The following SEC14L3 variants were observed in gnomAD, a reference collection of about 807,000 sequenced individuals.
SEC14L3 encodes the protein SEC14-like protein 3.
In SEC14L3, 56 loss-of-function variants were observed where a neutral mutation model predicts 57.4. That is an observed-to-expected ratio of 0.97 (90% CI 0.79 to 1.22). SEC14L3 has a LOEUF of 1.22. Ranked by LOEUF, SEC14L3 falls within the 50% of genes most tolerant of loss-of-function variation. The probability of loss-of-function intolerance (pLI) is 0.00; values close to 1 mark genes in which losing one functional copy is unlikely to be tolerated. For missense variants in SEC14L3, 485 were observed against 511.7 expected, an observed-to-expected ratio of 0.95 and a Z score of 0.50; for synonymous variants, 173 against 194.4, an observed-to-expected ratio of 0.89 and a Z score of 0.92.
At chr22:30,469,752 T>G (rs1048539383) in intron 4 of SEC14L3, among the ~76,000 whole-genome samples, 2 of 152,140 alleles carry the variant, frequency 1.3e-5, no homozygotes, top group African/African-American at 4.8e-5. Context: ...TTACCTAATT[T>G]TTGCTGGGCT....
intron 8 of SEC14L3, among the ~76,000 whole-genome samples, chr22:30,462,589 G>A (rs1342050907): frequency 6.6e-6 from 1 of 151,758 alleles, no homozygotes; most frequent in Non-Finnish European, 1.5e-5. Flanking sequence ...ATTTGGTTTT[G>A]TTTGGTTTTT....
At chr22:30,471,578 A>G (rs1935612633) in intron 1 of SEC14L3, among the ~76,000 whole-genome samples, 1 of 152,150 alleles carries the variant, frequency 6.6e-6, no homozygotes, top group Non-Finnish European at 1.5e-5. Flanking sequence ...GCTCCTACCT[A>G]TGGTGCCTGG....
chr22:30,470,621 T>C (rs1274655957), intron 1 of SEC14L3, 39 bp from the exon 2 acceptor site: 59 of 1,613,902 alleles, frequency 3.7e-5, no homozygotes, highest in Non-Finnish European at 4.8e-5. Context: ...CTCTCTCACA[T>C]TGAGCCTTGG....
downstream of SEC14L3, among the ~76,000 whole-genome samples, chr22:30,455,102 ATTTAATATTTAATATTTAATATATAT>A (rs1569225627): frequency 5.8e-4 from 26 of 44,656 alleles, no homozygotes; most frequent in Non-Finnish European, 8.5e-4. Flanking sequence ...TATATAATAT[ATTTAATATTTAATATTTAATATATAT>A]TATATTTAAT....
At chr22:30,454,540 A>ATATTATATATAATCTATAATAATAT (rs1935047780), downstream of SEC14L3, among the ~76,000 whole-genome samples, 2 of 20,192 alleles carry the variant, frequency 9.9e-5, no homozygotes, top group East Asian at 7.0e-3. Flanking sequence ...ATCTATAATA[A>ATATTATATATAATCTATAATAATAT]TATTATATAT....
chr22:30,462,681 C>T (rs1935304154), intron 8 of SEC14L3, among the ~76,000 whole-genome samples: 1 of 152,040 alleles, frequency 6.6e-6, no homozygotes, highest in African/African-American at 2.4e-5. Context: ...CCTGGGCCTC[C>T]CAAAGTGTTG....
At chr22:30,465,375 TAGCCAGCCAACCATCCAAATAACC>T (rs1343784349) in intron 7 of SEC14L3, among the ~76,000 whole-genome samples, 16 of 152,010 alleles carry the variant, frequency 1.1e-4, no homozygotes, top group African/African-American at 3.9e-4. Context: ...CTGTGTTCTC[TAGCCAGCCAACCATCCAAATAACC>T]AGCCAGCCAA....
chr22:30,461,698 C>T lies in SEC14L3; in HGVS notation c.772-4G>A, dbSNP rs769665116. The T allele has an allele frequency of 8.1e-6, 13 of 1,611,064 alleles. No individual in the cohort carries two copies. The highest frequency in any genetic ancestry group is 4.5e-5 in the East Asian group (2 of 44,822). On this transcript the variant is annotated splice_polypyrimidine_tract_variant and splice_region_variant and intron_variant, in intron 9 of 11. Transcript: ENST00000215812. Reference sequence around the variant, plus strand: ...GGATCTCCCCGCCATAGTTAATCTGCGGACATGGGATGAGATGGGCTTGCT... The same window carrying T: ...GGATCTCCCCGCCATAGTTAATCTGTGGACATGGGATGAGATGGGCTTGCT...
At chr22:30,465,359 A>C (rs1289397019) in intron 7 of SEC14L3, among the ~76,000 whole-genome samples, 3 of 152,162 alleles carry the variant, frequency 2.0e-5, no homozygotes, top group Non-Finnish European at 4.4e-5. Context: ...ATAACCACTC[A>C]ACTAACTGTG....
At chr22:30,466,500 T>A in intron 6 of SEC14L3, 106 bp from the exon 7 acceptor site, 1 of 1,497,552 alleles carries the variant, frequency 6.7e-7, no homozygotes, top group South Asian at 1.2e-5. Flanking sequence ...CTGGAGGGTT[T>A]CCCTTCATGC....
chr22:30,471,829 G>A, intron 1 of SEC14L3, 76 bp downstream of exon 1: 6 of 1,591,426 alleles, frequency 3.8e-6, no homozygotes, highest in African/African-American at 1.3e-5. Context: ...GAGTGGGGCA[G>A]GATTCCAGCC....
chr22:30,460,822 C>G (rs1935230656), intron 11 of SEC14L3, among the ~76,000 whole-genome samples: 1 of 97,038 alleles, frequency 1.0e-5, no homozygotes, highest in Non-Finnish European at 1.9e-5. Context: ...GAGTGAAACT[C>G]TGTCTCAAAA....
At position 30,470,548 on chromosome 22, in the gene SEC14L3, A is replaced by G. The variant is rs1409442391; in HGVS notation, c.89T>C (p.Leu30Pro). The change falls in exon 2 of 12, where the codon CTG (leucine) becomes CCG (proline). Residue 30 changes from leucine (L) to proline (P), a missense_variant. Leu to Pro is a moderately conservative substitution (Grantham distance 98). Transcript: ENST00000215812. ...RENVQDVLPA[L>P]PNPDDYFLLR... ...AAGGAAATAATCATCAGGGTTGGGC[A>G]GGGCAGGAAGCACATCCTGGACGTT... 1 of 1,614,212 alleles carries G rather than the reference A, an allele frequency of 6.2e-7. No homozygotes were observed.
At chr22:30,453,986 T>G (rs887254112) in intron 12 of SEC14L3, among the ~76,000 whole-genome samples, 4 of 152,162 alleles carry the variant, frequency 2.6e-5, no homozygotes, top group Non-Finnish European at 4.4e-5. Flanking sequence ...TCCAGGTTCA[T>G]GGATAGTCAT....
intron 1 of SEC14L3, chr22:30,471,101 A>G: frequency 3.0e-6 from 1 of 337,686 alleles, no homozygotes; most frequent in Non-Finnish European, 5.7e-6. Context: ...CCTGGCCAAC[A>G]TGGTGAAAAC....
chr22:30,453,544 G>A (rs1601808569), intron 12 of SEC14L3, among the ~76,000 whole-genome samples: 2 of 152,218 alleles, frequency 1.3e-5, no homozygotes, highest in African/African-American at 4.8e-5. Flanking sequence ...TCCCGAGTAG[G>A]TAGGATTACA....
downstream of SEC14L3, among the ~76,000 whole-genome samples, chr22:30,457,987 T>C (rs1935148776): frequency 1.3e-5 from 2 of 152,210 alleles, no homozygotes; most frequent in South Asian, 4.1e-4. Flanking sequence ...CATAAGTGCA[T>C]GTGGGAAAGT....
chr22:30,456,397 T>C (rs892764767), downstream of SEC14L3, among the ~76,000 whole-genome samples: 12 of 151,950 alleles, frequency 7.9e-5, no homozygotes, highest in African/African-American at 2.9e-4. Flanking sequence ...CTCATTGTTC[T>C]GCAGGATGTA....
rs564969707 is a variant in SEC14L3, at chr22:30,459,545, T to A, written c.*476A>T. On this transcript the variant is annotated 3_prime_UTR_variant, in exon 12 of 12. Coordinates refer to ENST00000215812, the MANE Select transcript of SEC14L3 (RefSeq NM_174975.5). ...ACCCCACATAGGCTCCTCCTAATCA[T>A]GTACAGCTGTTGAGTCACCTGCACC... is the stretch of plus-strand genomic sequence containing the variant. 41 of 986,824 alleles carry A rather than the reference T, an allele frequency of 4.2e-5. No individual in the cohort carries two copies. The highest frequency in any genetic ancestry group is 4.6e-5 in the Non-Finnish European group (38 of 830,778). 61.1% of individuals were successfully genotyped at this position (986,824 alleles called of 1,614,324 possible).
Sources: allele counts gnomAD v4.1 joint callset (sites outside exome capture counted in the v4.1 genomes callset), GRCh38; gene constraint gnomAD v4.1.1; transcripts MANE v1.5; gene names NCBI Gene and HGNC (gene_info 2026-07-23, HGNC 2026-07-21).